Variants in XKR6 observed in about 807,000 individuals in gnomAD.
XKR6 encodes XK related 6.
In XKR6, 22 loss-of-function variants were observed where a neutral mutation model predicts 56.7. The ratio of observed to expected loss-of-function variants is 0.39; its 90% CI spans 0.28 to 0.55. The LOEUF (loss-of-function observed/expected upper bound fraction) is 0.55. Ranked by LOEUF, XKR6 falls within the 20% of genes least tolerant of loss-of-function variation. The pLI is 0.66. For missense variants in XKR6, 852 were observed against 889.0 expected, an observed-to-expected ratio of 0.96 and a Z score of 0.53; for synonymous variants, 524 against 387.8, an observed-to-expected ratio of 1.35 and a Z score of -4.13.
chr8:10,951,572 T>G (rs1256859707), intron 1 of XKR6, among the ~76,000 whole-genome samples: 3 of 152,244 alleles, frequency 2.0e-5, no homozygotes, highest in African/African-American at 4.8e-5. Flanking sequence ...ACACAGGCCC[T>G]GCACTTCCCC....
intron 1 of XKR6, among the ~76,000 whole-genome samples, chr8:10,930,660 A>G (rs540743081): frequency 2.6e-5 from 4 of 152,356 alleles, no homozygotes; most frequent in East Asian, 1.9e-4. Flanking sequence ...AAATCAATCA[A>G]TGTAATCTAT....
At chr8:10,910,959 T>A (rs1239889081) in intron 2 of XKR6, among the ~76,000 whole-genome samples, 3 of 152,140 alleles carry the variant, frequency 2.0e-5, no homozygotes, top group African/African-American at 7.2e-5. Context: ...AAATCCATTC[T>A]CATTGAGGAG....
At chr8:10,915,012 T>C (rs1489242967) in intron 2 of XKR6, among the ~76,000 whole-genome samples, 2 of 152,228 alleles carry the variant, frequency 1.3e-5, no homozygotes, top group Non-Finnish European at 2.9e-5. Flanking sequence ...AGTGGCGCCT[T>C]CGTGGTCTCC....
chr8:11,126,229 C>T (rs1031299615), intron 1 of XKR6, among the ~76,000 whole-genome samples: 5 of 151,944 alleles, frequency 3.3e-5, no homozygotes, highest in Admixed American at 6.6e-5. Context: ...CTACCACGCC[C>T]GGCTAATTTT....
chr8:11,098,674 G>A (rs1402628082), intron 1 of XKR6, among the ~76,000 whole-genome samples: 2 of 152,224 alleles, frequency 1.3e-5, no homozygotes, highest in African/African-American at 4.8e-5. Flanking sequence ...TTTATAGTAT[G>A]TGGAAAGTTT....
Position 11,201,326 on chromosome 8 carries a change from G to C in XKR6, c.14C>G (p.Ser5Cys), listed in dbSNP as rs766233383. The change falls in exon 1 of 3, where the codon TCC becomes TGC. Residue 5 changes from serine to cysteine, a missense_variant. Ser to Cys is a moderately radical substitution (Grantham distance 112). This residue lies in a region of XKR6 where 417 missense variants were observed against 355.2 expected (regional missense o/e 1.17). Coordinates refer to ENST00000416569, the MANE Select transcript of XKR6 (RefSeq NM_173683.4). MAAK[S>C]DGGGVGVGFA... is the part of the protein sequence containing the mutation. ...GCCCACCCCCACGCCACCGCCATCGGATTTCGCCGCCATCTTGACTCTCTT... is the reference window on the plus strand; with the variant it reads ...GCCCACCCCCACGCCACCGCCATCGCATTTCGCCGCCATCTTGACTCTCTT... 1 of 1,455,674 alleles carries C rather than the reference G, an allele frequency of 6.9e-7. No individual in the cohort carries two copies. 90.2% of individuals were successfully genotyped at this position (1,455,674 alleles called of 1,614,324 possible). A position where few individuals can be genotyped will look rare whatever the true frequency, so the allele number is the denominator to read the frequency against.
At chr8:11,126,031 AC>A (rs1353170437) in intron 1 of XKR6, 1 of 150,558 alleles carries the variant, frequency 6.6e-6, no homozygotes, top group African/African-American at 2.4e-5. Flanking sequence ...TATAACCTAT[AC>A]TTTGGCAGTT....
chr8:11,171,200 A>AT (rs2117046332), intron 1 of XKR6, among the ~76,000 whole-genome samples: 1 of 152,386 alleles, frequency 6.6e-6, no homozygotes, highest in East Asian at 1.9e-4. Flanking sequence ...GCCGACCTGT[A>AT]TATGAGGCAC....
At chr8:11,031,564 C>G (rs563995580) in intron 1 of XKR6, among the ~76,000 whole-genome samples, 3 of 152,278 alleles carry the variant, frequency 2.0e-5, no homozygotes, top group Non-Finnish European at 2.9e-5. Flanking sequence ...GGACACTCAG[C>G]AGGGATCTGC....
chr8:11,120,062 A>G (rs1412368455), intron 1 of XKR6, among the ~76,000 whole-genome samples: 1 of 152,238 alleles, frequency 6.6e-6, no homozygotes, highest in Admixed American at 6.5e-5. Context: ...ATCTATGACA[A>G]ACCCACAGCC....
chr8:11,113,281 G>A (rs887317478), intron 1 of XKR6, among the ~76,000 whole-genome samples: 1 of 152,058 alleles, frequency 6.6e-6, no homozygotes, highest in African/African-American at 2.4e-5. Flanking sequence ...TCTATTTTTA[G>A]GAGAGTTAAA....
intron 1 of XKR6, among the ~76,000 whole-genome samples, chr8:11,147,994 G>A (rs370798312): frequency 3.3e-5 from 5 of 152,056 alleles, no homozygotes; most frequent in African/African-American, 9.7e-5. Flanking sequence ...AGGATCACTT[G>A]AGGTCAGGAG....
At chr8:11,077,370 T>A (rs1432885962) in intron 1 of XKR6, among the ~76,000 whole-genome samples, 1 of 151,930 alleles carries the variant, frequency 6.6e-6, no homozygotes, top group Non-Finnish European at 1.5e-5. Context: ...GGCTGCAGGG[T>A]CACATGGGGT....
At chr8:11,075,216 A>G (rs1197603785) in intron 1 of XKR6, among the ~76,000 whole-genome samples, 1 of 152,208 alleles carries the variant, frequency 6.6e-6, no homozygotes, top group African/African-American at 2.4e-5. Context: ...ACAGTCCCTC[A>G]GTGAGAAATC....
At chr8:10,950,610 C>T (rs1345291350) in intron 1 of XKR6, among the ~76,000 whole-genome samples, 2 of 152,210 alleles carry the variant, frequency 1.3e-5, no homozygotes, top group Non-Finnish European at 2.9e-5. Context: ...CAGTTTTAGA[C>T]TGAAAACCCC....
At chr8:11,004,053 G>T (rs1048742227) in intron 1 of XKR6, among the ~76,000 whole-genome samples, 1 of 152,220 alleles carries the variant, frequency 6.6e-6, no homozygotes, top group African/African-American at 2.4e-5. Flanking sequence ...AGCAGCGACA[G>T]CAGGACTAGA....
intron 1 of XKR6, among the ~76,000 whole-genome samples, chr8:11,004,811 G>A (rs1798328105): frequency 6.6e-6 from 1 of 152,142 alleles, no homozygotes; most frequent in African/African-American, 2.4e-5. Flanking sequence ...AACAATGAAT[G>A]GATAAACGTG....
intron 1 of XKR6, among the ~76,000 whole-genome samples, chr8:11,165,930 C>CATGT (rs1453526273): frequency 6.9e-6 from 1 of 145,348 alleles, no homozygotes; most frequent in Admixed American, 6.7e-5. Context: ...TGGATACATT[C>CATGT]ATGTATATAT....
In XKR6 at chr8:10,896,154, T is replaced by G. The variant is rs1799873737; in HGVS notation, c.*1798A>C. The G allele has an allele frequency of 6.6e-6, 1 of 150,376 alleles. No homozygotes were observed. Among genetic ancestry groups the G allele is most frequent in the African/African-American group, 2.4e-5 (1 of 41,030 alleles). The allele number at this position is 150,376 out of a possible 1,614,324, so 9.3% of individuals were successfully genotyped here. ...TTTTTTTTCTTTTCCTTTTTTTTTG[T>G]GCCCAAGTAGAGATACGATGCGATT... On this transcript the variant is annotated 3_prime_UTR_variant, in exon 3 of 3. Transcript: ENST00000416569.
Sources: gnomAD v4.1 joint callset for allele counts (sites outside exome capture counted in the v4.1 genomes callset) on GRCh38, gnomAD v4.1.1 for gene constraint, gnomAD v4.1.1 regional missense constraint, MANE v1.5 for transcripts, NCBI Gene and HGNC (gene_info 2026-07-23, HGNC 2026-07-21) for gene names.